ADGRL3: variants seen among roughly 807,000 people sequenced by gnomAD.
ADGRL3 encodes the protein adhesion G protein-coupled receptor L3.
Under a neutral mutation model 153.5 loss-of-function variants are expected in ADGRL3, and 62 were observed. The ratio of observed to expected loss-of-function variants is 0.40; its 90% CI spans 0.33 to 0.50. The LOEUF (loss-of-function observed/expected upper bound fraction) is 0.50. Among genes scored for constraint, ADGRL3 ranks in the 20% least tolerant of loss-of-function variants. ADGRL3 has a pLI of 0.47. For synonymous variants in ADGRL3, 710 were observed against 672.5 expected, an observed-to-expected ratio of 1.06 and a Z score of -0.86; for missense variants, 1,641 against 1,859.4, an observed-to-expected ratio of 0.88 and a Z score of 2.16.
intron 1 of ADGRL3, among the ~76,000 whole-genome samples, chr4:61,213,405 C>T (rs1741066061): frequency 6.6e-6 from 1 of 152,026 alleles, no homozygotes; most frequent in Non-Finnish European, 1.5e-5. Flanking sequence ...AATTTTGATT[C>T]CCAATCTTTC....
chr4:61,359,108 C>T (rs2096243213), intron 1 of ADGRL3, among the ~76,000 whole-genome samples: 1 of 152,154 alleles, frequency 6.6e-6, no homozygotes, highest in Admixed American at 6.5e-5. Context: ...CATATAGGAT[C>T]CATAAGCAAA....
At chr4:61,694,179 A>ATTTTTTTTTTT (rs554084495) in intron 6 of ADGRL3, among the ~76,000 whole-genome samples, 1 of 26,704 alleles carries the variant, frequency 3.7e-5, no homozygotes, top group Non-Finnish European at 7.1e-5. Context: ...TTTTGTCATT[A>ATTTTTTTTTTT]TTTTTTTTTT....
chr4:61,319,661 T>C (rs1176024064), intron 1 of ADGRL3, among the ~76,000 whole-genome samples: 3 of 152,330 alleles, frequency 2.0e-5, no homozygotes, highest in South Asian at 2.1e-4. Flanking sequence ...AATTTGATTG[T>C]ACGTCAAATG....
chr4:61,750,239 G>C (rs1171875739), intron 8 of ADGRL3, among the ~76,000 whole-genome samples: 1 of 148,834 alleles, frequency 6.7e-6, no homozygotes, highest in Non-Finnish European at 1.5e-5. Context: ...TTAGGTGTTT[G>C]CTGGCCATTT....
intron 11 of ADGRL3, among the ~76,000 whole-genome samples, chr4:61,905,788 G>A (rs900363291): frequency 5.9e-5 from 9 of 151,608 alleles, no homozygotes; most frequent in African/African-American, 1.7e-4. Context: ...CCAGCTACTC[G>A]GGAGACCAAG....
chr4:61,556,422 G>A (rs2098767373), intron 4 of ADGRL3, among the ~76,000 whole-genome samples: 1 of 152,098 alleles, frequency 6.6e-6, no homozygotes, highest in Admixed American at 6.5e-5. Flanking sequence ...CCGGGGGAGA[G>A]CAGCAGGGAG....
At chr4:61,787,861 A>T (rs2097295754) in intron 8 of ADGRL3, among the ~76,000 whole-genome samples, 1 of 152,170 alleles carries the variant, frequency 6.6e-6, no homozygotes, top group African/African-American at 2.4e-5. Context: ...AAGGTTTAAG[A>T]TGCCTTACCT....
At chr4:61,331,391 C>T (rs1164681240) in intron 1 of ADGRL3, among the ~76,000 whole-genome samples, 1 of 151,926 alleles carries the variant, frequency 6.6e-6, no homozygotes, top group Non-Finnish European at 1.5e-5. Flanking sequence ...TCACTTTGAC[C>T]TATATGATAG....
rs372710069 is a variant in ADGRL3 at position 61,458,509 on chromosome 4, A to T, written c.-173-38612A>T. Among the ~76,000 whole-genome samples the T allele has an allele frequency of 5.3e-5, 8 of 151,560 alleles. 1 individual carries two copies. The highest frequency in any genetic ancestry group is 1.9e-4 in the African/African-American group (8 of 41,524). ...TTAGAAATTTACTGTTAGATAGGTC[A>T]ATAATATTCTTGGTTCCCATGATTT... On this transcript the variant is annotated intron_variant, in intron 2 of 26. Transcript: ENST00000683033.
chr4:62,068,559 G>T (rs765021223), intron 26 of ADGRL3, among the ~76,000 whole-genome samples: 3 of 151,986 alleles, frequency 2.0e-5, no homozygotes, highest in Non-Finnish European at 4.4e-5. Flanking sequence ...TTTTCAGCCC[G>T]TACCTAATGC....
At chr4:61,970,915 G>T (rs2099024728) in intron 17 of ADGRL3, among the ~76,000 whole-genome samples, 2 of 152,116 alleles carry the variant, frequency 1.3e-5, no homozygotes, top group African/African-American at 4.8e-5. Flanking sequence ...ATCAATGCCA[G>T]GAATTTTTTT....
At chr4:61,560,863 T>C (rs1290256627) in intron 4 of ADGRL3, among the ~76,000 whole-genome samples, 1 of 152,134 alleles carries the variant, frequency 6.6e-6, no homozygotes, top group Non-Finnish European at 1.5e-5. Flanking sequence ...TGTTTTCATT[T>C]TACTAAAATA....
chr4:61,238,589 A>G (rs1753743416), intron 1 of ADGRL3, among the ~76,000 whole-genome samples: 1 of 151,972 alleles, frequency 6.6e-6, no homozygotes, highest in Non-Finnish European at 1.5e-5. Flanking sequence ...CCTAAAATTG[A>G]TGAGCCCCAA....
chr4:61,819,471 C>T (rs1484090399), intron 9 of ADGRL3, among the ~76,000 whole-genome samples: 2 of 152,032 alleles, frequency 1.3e-5, no homozygotes, highest in Admixed American at 1.3e-4. Flanking sequence ...ACCCATGACT[C>T]TCTACATCTT....
intron 25 of ADGRL3, among the ~76,000 whole-genome samples, chr4:62,062,607 T>G (rs917024711): frequency 6.6e-6 from 1 of 152,076 alleles, no homozygotes; most frequent in African/African-American, 2.4e-5. Flanking sequence ...AAACTTCTCC[T>G]CTGATCTTTG....
At chr4:61,477,757 GTGA>G (rs971849191) in intron 2 of ADGRL3, among the ~76,000 whole-genome samples, 4 of 152,020 alleles carry the variant, frequency 2.6e-5, no homozygotes, top group African/African-American at 9.7e-5. Flanking sequence ...CTGCCATAAT[GTGA>G]TGATATGTCT....
chr4:61,558,643 C>G (rs1346859133), intron 4 of ADGRL3, among the ~76,000 whole-genome samples: 1 of 151,750 alleles, frequency 6.6e-6, no homozygotes, highest in African/African-American at 2.4e-5. Context: ...GTCTGTCTGT[C>G]TGCCTGCCTG....
At chr4:61,744,405 G>T (rs549791718) in intron 8 of ADGRL3, among the ~76,000 whole-genome samples, 2 of 152,282 alleles carry the variant, frequency 1.3e-5, no homozygotes, top group African/African-American at 4.8e-5. Flanking sequence ...CGGGCAGACT[G>T]CCTCCTCAAG....
chr4:61,739,891 T>G (rs2096563143), intron 8 of ADGRL3, among the ~76,000 whole-genome samples: 1 of 152,246 alleles, frequency 6.6e-6, no homozygotes, highest in African/African-American at 2.4e-5. Flanking sequence ...AGTGGGCAAC[T>G]GTTTAAAGAA....
Sources: allele counts gnomAD v4.1 joint callset (sites outside exome capture counted in the v4.1 genomes callset), GRCh38; gene constraint gnomAD v4.1.1; transcripts MANE v1.5; gene names NCBI Gene and HGNC (gene_info 2026-07-23, HGNC 2026-07-21).